Variants in PUM3 observed in about 807,000 individuals in gnomAD.
PUM3 encodes pumilio RNA binding family member 3, also known as pumilio homolog 3.
A neutral mutation model predicts 84.0 loss-of-function variants in PUM3; 91 were observed. The ratio of observed to expected loss-of-function variants is 1.08; its 90% confidence interval spans 0.91 to 1.29. The LOEUF is 1.29. Among genes scored for constraint, PUM3 ranks in the 50% most tolerant of loss-of-function variants. PUM3 has a pLI of 0.00. For missense variants in PUM3, 1,067 were observed against 767.5 expected, an observed-to-expected ratio of 1.39 and a Z score of -4.61; for synonymous variants, 321 against 266.7, an observed-to-expected ratio of 1.20 and a Z score of -1.98.
chr9:2,811,690 C>G, intron 14 of PUM3, 107 bp from the exon 15 acceptor site: 1 of 701,252 alleles, frequency 1.4e-6, no homozygotes, highest in Admixed American at 2.6e-5. Context: ...GTATCGCACT[C>G]TATTATTATT....
intron 13 of PUM3, among the ~76,000 whole-genome samples, chr9:2,813,460 G>T (rs887942274): frequency 6.6e-6 from 1 of 152,106 alleles, no homozygotes; most frequent in African/African-American, 2.4e-5. Context: ...TGTCCAACTG[G>T]CCAGGTTTAC....
chr9:2,826,412 C>A (rs898222976), intron 10 of PUM3, among the ~76,000 whole-genome samples: 1 of 152,140 alleles, frequency 6.6e-6, no homozygotes, highest in Non-Finnish European at 1.5e-5. Flanking sequence ...AATTATTTTG[C>A]ATGCCAATTT....
chr9:2,823,718 T>C (rs964761301), intron 12 of PUM3, 63 bp downstream of exon 12: 5 of 694,252 alleles, frequency 7.2e-6, no homozygotes, highest in African/African-American at 3.7e-5. Flanking sequence ...AAATTTTCTA[T>C]AATAGACATG....
chr9:2,807,686 G>T (rs939609779), intron 17 of PUM3, 128 bp downstream of exon 17: 4 of 514,230 alleles, frequency 7.8e-6, no homozygotes, highest in Admixed American at 2.9e-5. Flanking sequence ...TGTTTGTCTA[G>T]ACCATGAGTG....
At chr9:2,843,048 C>A (rs1205235641) in intron 1 of PUM3, among the ~76,000 whole-genome samples, 1 of 152,152 alleles carries the variant, frequency 6.6e-6, no homozygotes, top group Non-Finnish European at 1.5e-5. Flanking sequence ...TCTTGAGCTT[C>A]CAAATGTAAT....
intron 9 of PUM3, among the ~76,000 whole-genome samples, chr9:2,827,692 A>G (rs1002655639): frequency 6.6e-6 from 1 of 152,248 alleles, no homozygotes; most frequent in African/African-American, 2.4e-5. Flanking sequence ...ATGGTCAGGC[A>G]TAAAAGACCT....
At position 2,837,476 on chromosome 9, in the gene PUM3, C is replaced by T. The variant is rs1014136781; in HGVS notation, c.83-75G>A. ...TTTATCTATTGGATTATATCCATTA[C>T]AGAAAATTATACTTTTTAATCCCAA... On this transcript the variant is annotated intron_variant, in intron 2 of 17. Coordinates refer to ENST00000397885, the MANE Select transcript of PUM3 (RefSeq NM_014878.5). 3.1e-6 allele frequency: 3 copies of T among 973,388 alleles called. No individual in the cohort carries two copies. In the East Asian group the frequency reaches 7.6e-5, roughly 25 times the overall value. 60.3% of individuals were successfully genotyped at this position (973,388 alleles called of 1,614,324 possible). A position where few individuals can be genotyped will look rare whatever the true frequency, so the allele number is the denominator to read the frequency against.
At chr9:2,829,263 A>G (rs907563256) in intron 8 of PUM3, among the ~76,000 whole-genome samples, 2 of 152,240 alleles carry the variant, frequency 1.3e-5, no homozygotes, top group Non-Finnish European at 2.9e-5. Flanking sequence ...TAGATTCTTT[A>G]ACCAGCTAGT....
chr9:2,843,297 C>T (rs952332175), intron 1 of PUM3, among the ~76,000 whole-genome samples: 6 of 152,144 alleles, frequency 3.9e-5, no homozygotes, highest in African/African-American at 1.4e-4. Context: ...CCATTATCGC[C>T]TCTGCTTGAA....
At chr9:2,820,199 CTCAA>C in intron 12 of PUM3, 101 bp from the exon 13 acceptor site, 1 of 326,956 alleles carries the variant, frequency 3.1e-6, no homozygotes, top group Non-Finnish European at 5.3e-6. Context: ...CGAGACTCCG[CTCAA>C]AAAAAAAAAA....
At chr9:2,829,648 A>G (rs1815918112) in intron 8 of PUM3, 126 bp downstream of exon 8, 6 of 775,654 alleles carry the variant, frequency 7.7e-6, no homozygotes, top group Admixed American at 7.2e-5. Flanking sequence ...AATCAAGGGC[A>G]TAAGATGGTC....
chr9:2,812,373 A>G lies in PUM3; in HGVS notation c.1270-11T>C. ...TGAACTGATAATTTCCTATAAAATT[A>G]TAAACAAAAAAAAAGAATCAATATC... is the stretch of plus-strand genomic sequence containing the variant. On this transcript the variant is annotated splice_polypyrimidine_tract_variant and intron_variant, in intron 13 of 17. Transcript: ENST00000397885. 5 of 1,516,902 alleles carry G rather than the reference A, an allele frequency of 3.3e-6. No individual in the cohort carries two copies. Among genetic ancestry groups the G allele is most frequent in the Non-Finnish European group, 4.5e-6 (5 of 1,108,356 alleles). 94.0% of individuals were successfully genotyped at this position (1,516,902 alleles called of 1,614,324 possible).
At chr9:2,830,432 T>C (rs1468162531) in intron 7 of PUM3, among the ~76,000 whole-genome samples, 1 of 152,224 alleles carries the variant, frequency 6.6e-6, no homozygotes, top group Non-Finnish European at 1.5e-5. Flanking sequence ...TTCTCCCATG[T>C]TGACATTTTC....
At position 2,828,771 on chromosome 9, in the gene PUM3, T is replaced by C. The variant is rs747292953; in HGVS notation, c.860A>G (p.Asp287Gly). The C allele has an allele frequency of 6.4e-7, 1 of 1,560,848 alleles. No homozygotes were observed. The highest frequency in any genetic ancestry group is 8.8e-7 in the Non-Finnish European group (1 of 1,132,638). The change falls in exon 9 of 18, where the codon GAT (aspartate) becomes GGT (glycine). Residue 287 changes from aspartate to glycine, a missense_variant. Coordinates refer to ENST00000397885, the MANE Select transcript of PUM3 (RefSeq NM_014878.5). ...GNTFQLYKSA[D>G]HRTLDKVLEV... Reference sequence around the variant, plus strand: ...TAACACTTTGTCCAGAGTTCGGTGATCTGCTGACTGCAACAAAACAAAACA... The same window carrying C: ...TAACACTTTGTCCAGAGTTCGGTGACCTGCTGACTGCAACAAAACAAAACA...
chr9:2,838,572 A>G (rs369158090), intron 1 of PUM3, 55 bp from the exon 2 acceptor site: 21 of 1,085,968 alleles, frequency 1.9e-5, no homozygotes, highest in Middle Eastern at 2.0e-4. Flanking sequence ...TTCATCAAAT[A>G]AGAGCTGTTT....
At chr9:2,841,511 C>T (rs1208295692) in intron 1 of PUM3, among the ~76,000 whole-genome samples, 3 of 152,052 alleles carry the variant, frequency 2.0e-5, no homozygotes, top group South Asian at 2.1e-4. Flanking sequence ...GAGGCTGCAG[C>T]GAGCTGAGAT....
chr9:2,826,741 C>T (rs750967586), intron 10 of PUM3, among the ~76,000 whole-genome samples: 17 of 152,074 alleles, frequency 1.1e-4, no homozygotes, highest in Non-Finnish European at 2.4e-4. Flanking sequence ...TGTATTAGCA[C>T]AGTTGAATTT....
intron 1 of PUM3, among the ~76,000 whole-genome samples, chr9:2,842,735 G>C (rs1485895079): frequency 2.0e-5 from 3 of 152,082 alleles, no homozygotes; most frequent in Non-Finnish European, 2.9e-5. Context: ...GTGTATAACT[G>C]CTTATCTGAT....
chr9:2,832,479 A>G (rs1297000179), intron 5 of PUM3, among the ~76,000 whole-genome samples: 2 of 152,198 alleles, frequency 1.3e-5, no homozygotes, highest in Non-Finnish European at 2.9e-5. Flanking sequence ...AGCCTATAGT[A>G]AATAATCAAT....
Sources: allele counts gnomAD v4.1 joint callset (sites outside exome capture counted in the v4.1 genomes callset), GRCh38; gene constraint gnomAD v4.1.1; transcripts MANE v1.5; gene names NCBI Gene and HGNC (gene_info 2026-07-23, HGNC 2026-07-21).